Variants in DHX57 observed in about 807,000 individuals in gnomAD.
DHX57 encodes DExH-box helicase 57.
A neutral mutation model predicts 156.2 loss-of-function variants in DHX57; 105 were observed. The observed-to-expected ratio is 0.67, with a 90% confidence interval of 0.57 to 0.79. DHX57 has a LOEUF of 0.79. Among genes scored for constraint, DHX57 ranks in the 30% least tolerant of loss-of-function variants. DHX57 has a pLI of 0.00. For synonymous variants in DHX57, 704 were observed against 595.6 expected (o/e 1.18, Z -2.65); for missense variants, 1,847 against 1,661.9 (o/e 1.11, Z -1.94).
chr2:38,838,732 C>T (rs1387263069), intron 12 of DHX57: 2 of 452,968 alleles, frequency 4.4e-6, no homozygotes, highest in Non-Finnish European at 8.9e-6. Flanking sequence ...ACTCGCTGAA[C>T]CTTTAGGTTC....
chr2:38,871,022 G>A (rs181499048), intron 1 of DHX57, among the ~76,000 whole-genome samples: 55 of 152,056 alleles, frequency 3.6e-4, no homozygotes, highest in Non-Finnish European at 7.1e-4. Flanking sequence ...CAATAGACCC[G>A]CCTCACAAGA....
intron 1 of DHX57, among the ~76,000 whole-genome samples, chr2:38,870,848 C>T (rs957545670): frequency 6.6e-6 from 1 of 151,488 alleles, no homozygotes; most frequent in African/African-American, 2.4e-5. Flanking sequence ...CACTGCACTC[C>T]AGCCTGGGTG....
chr2:38,863,261 T>A (rs1022693078), intron 3 of DHX57, 100 bp downstream of exon 3: 1 of 1,244,706 alleles, frequency 8.0e-7, no homozygotes. Flanking sequence ...ATGGCCACAA[T>A]AGAATCAGTA....
chr2:38,828,287 C>G, intron 14 of DHX57, 53 bp downstream of exon 14: 3 of 1,425,196 alleles, frequency 2.1e-6, no homozygotes, highest in Non-Finnish European at 2.9e-6. Context: ...GTGATGATAT[C>G]TTTAGAGGTA....
intron 1 of DHX57, among the ~76,000 whole-genome samples, chr2:38,873,822 G>A (rs1665464876): frequency 6.6e-6 from 1 of 151,996 alleles, no homozygotes; most frequent in Non-Finnish European, 1.5e-5. Flanking sequence ...GTGCTATCAA[G>A]GAAAAAAAAC....
intron 21 of DHX57, among the ~76,000 whole-genome samples, chr2:38,812,367 A>C (rs1670292486): frequency 6.6e-6 from 1 of 152,240 alleles, no homozygotes; most frequent in South Asian, 2.1e-4. Context: ...TAATAAAAAA[A>C]GTTAAGGCTT....
rs935351361 is a variant in DHX57, at chr2:38,814,783, C to T, written c.3606+738G>A. Among the ~76,000 whole-genome samples, 12 of 151,684 alleles carry T rather than the reference C, an allele frequency of 7.9e-5. No homozygotes were observed. In the East Asian group the frequency reaches 1.4e-3, roughly 17 times the overall value. On this transcript the variant is annotated intron_variant, in intron 20 of 23. Transcript: ENST00000457308. ...TGCTGCCCAGGCTGGAGTGCAATGG[C>T]GCGATCTCGGCTCACCGCAACTTCC...
Position 38,806,618 on chromosome 2 carries a change from T to A in DHX57, c.3757A>T (p.Lys1253Ter). Residue 1253 changes from lysine (K) to a stop codon, truncating the protein, a stop_gained, in exon 22 of 24, where the codon AAG becomes TAG. Transcript: ENST00000457308. LOFTEE classifies it high-confidence loss of function. The part of the protein sequence containing the change: ...VRMQPKSAEL[K>*]FVTKNDGYVH... The stretch of plus-strand genomic sequence containing the variant: ...TATCCATCGTTCTTGGTGACAAACT[T>A]CAACTCAGCTGATTTTGGTTGCATT... The A allele has an allele frequency of 6.2e-7, 1 of 1,614,164 alleles. No individual in the cohort carries two copies. Among genetic ancestry groups the A allele is most frequent in the Non-Finnish European group, 8.5e-7 (1 of 1,180,022 alleles).
In DHX57 at chr2:38,858,834, C is replaced by T. The variant is rs1477291349; in HGVS notation, c.1414G>A (p.Glu472Lys). Reference sequence around the variant, plus strand: ...GACTCCTCAGATTCTGATGCTTTTTCAACTTGAAGGAAATAAAAGAAAACA... The same window carrying T: ...GACTCCTCAGATTCTGATGCTTTTTTAACTTGAAGGAAATAAAAGAAAACA... Reference protein sequence around the residue: ...SFVSNQIPEVEKASESEESDE... With the variant: ...SFVSNQIPEVKKASESEESDE... Residue 472 changes from glutamate to lysine, a missense_variant and splice_region_variant, in exon 6 of 24, where the codon GAA becomes AAA. Glu to Lys is a moderately conservative substitution (Grantham distance 56, BLOSUM62 1). Transcript: ENST00000457308. 1 of 1,607,106 alleles carries T rather than the reference C, an allele frequency of 6.2e-7. No homozygotes were observed. The highest frequency in any genetic ancestry group is 1.7e-5 in the Admixed American group (1 of 58,058).
chr2:38,836,217 C>T (rs1375724875), intron 13 of DHX57, among the ~76,000 whole-genome samples: 1 of 152,084 alleles, frequency 6.6e-6, no homozygotes, highest in East Asian at 1.9e-4. Context: ...CAAAGTCAGA[C>T]AGAAATTACA....
At chr2:38,875,224 C>A (rs1448013931) in intron 1 of DHX57, among the ~76,000 whole-genome samples, 1 of 152,158 alleles carries the variant, frequency 6.6e-6, no homozygotes, top group Non-Finnish European at 1.5e-5. Context: ...CCATCTAGCC[C>A]GGGAAGACTC....
chr2:38,834,128 G>A (rs1406052924), intron 13 of DHX57, among the ~76,000 whole-genome samples: 12 of 151,930 alleles, frequency 7.9e-5, no homozygotes, highest in Admixed American at 4.6e-4. Flanking sequence ...TTGGGAGTTC[G>A]AGACCAGCCT....
intron 20 of DHX57, among the ~76,000 whole-genome samples, chr2:38,814,600 G>C (rs751028243): frequency 6.6e-6 from 1 of 152,100 alleles, no homozygotes; most frequent in Non-Finnish European, 1.5e-5. Context: ...GCTGTCTTTT[G>C]TTAGAAAAAA....
chr2:38,825,234 G>A (rs1034594406), intron 16 of DHX57, among the ~76,000 whole-genome samples: 1 of 152,076 alleles, frequency 6.6e-6, no homozygotes, highest in Non-Finnish European at 1.5e-5. Context: ...CTCACTTAAT[G>A]TAGTTCACTT....
intron 9 of DHX57, among the ~76,000 whole-genome samples, chr2:38,850,291 C>CT (rs533036716): frequency 3.3e-5 from 5 of 151,056 alleles, no homozygotes; most frequent in South Asian, 2.1e-4. Flanking sequence ...TTTTTCTTAC[C>CT]TTTTTTTTTG....
chr2:38,824,013 C>CA (rs71402254), intron 16 of DHX57, among the ~76,000 whole-genome samples: 11,104 of 140,880 alleles, frequency 0.079, 546 homozygotes, highest in East Asian at 0.23. Context: ...TCTGTTTCCA[C>CA]AAAAAAAAAA....
At chr2:38,836,989 A>G (rs1414551377) in intron 13 of DHX57, among the ~76,000 whole-genome samples, 1 of 152,040 alleles carries the variant, frequency 6.6e-6, no homozygotes, top group Admixed American at 6.6e-5. Flanking sequence ...CTGGGACTAC[A>G]GGCATGTGCC....
intron 21 of DHX57, among the ~76,000 whole-genome samples, chr2:38,813,543 T>G (rs1187296604): frequency 1.3e-5 from 2 of 151,610 alleles, no homozygotes; most frequent in African/African-American, 4.9e-5. Context: ...GCTAATTTTT[T>G]TTGTATTTTT....
chr2:38,818,807 C>G, intron 19 of DHX57, 70 bp downstream of exon 19: 4 of 1,541,020 alleles, frequency 2.6e-6, no homozygotes, highest in South Asian at 1.1e-5. Context: ...ACACATGAGA[C>G]AAAGTCGCAG....
Sources: allele counts gnomAD v4.1 joint callset (sites outside exome capture counted in the v4.1 genomes callset), GRCh38; gene constraint gnomAD v4.1.1; transcripts MANE v1.5; gene names NCBI Gene and HGNC (gene_info 2026-07-23, HGNC 2026-07-21).